Variants in THOC2 observed in about 807,000 individuals in gnomAD.
THOC2 encodes the protein THO complex subunit 2, also known as THO complex 2.
Under a neutral mutation model 128.4 loss-of-function variants are expected in THOC2, and 10 were observed. The observed-to-expected ratio is 0.08, with a 90% CI of 0.05 to 0.13. The LOEUF (loss-of-function observed/expected upper bound fraction) is 0.13. Ranked by LOEUF, THOC2 falls within the 10% of genes least tolerant of loss-of-function variation. The probability of loss-of-function intolerance (pLI) is 1.00; values close to 1 mark genes in which losing one functional copy is unlikely to be tolerated. For missense variants in THOC2, 535 were observed against 1,155.7 expected (o/e 0.46, Z 7.79); for synonymous variants, 393 against 396.9 (o/e 0.99, Z 0.12).
At chrX:123,684,201 T>C (rs2049912201) in intron 8 of THOC2, among the ~76,000 whole-genome samples, 1 of 111,979 alleles carries the variant, frequency 8.9e-6, no homozygotes, top group Non-Finnish European at 1.9e-5. Context: ...GTCATCATTA[T>C]TCACTGTCAT....
intron 12 of THOC2, among the ~76,000 whole-genome samples, chrX:123,657,708 G>T (rs965414422): frequency 3.6e-5 from 4 of 110,194 alleles, no homozygotes; most frequent in African/African-American, 1.3e-4. Flanking sequence ...GAGAAATAAA[G>T]ACTTTCTCAG....
chrX:123,674,645 G>C (rs1270740862), intron 8 of THOC2, among the ~76,000 whole-genome samples: 1 of 110,872 alleles, frequency 9.0e-6, no homozygotes, highest in African/African-American at 3.3e-5. Flanking sequence ...CTCTATCACT[G>C]CCTTTTTTGT....
chrX:123,634,994 T>A lies in THOC2; in HGVS notation c.2019-924A>T, dbSNP rs2047619681. On this transcript the variant is annotated intron_variant, in intron 19 of 38. Transcript: ENST00000245838. ...AAACATACAGATGTTTTTCCAAACATAAAGTCAGACATACCCAAGACACAA... is the reference window on the plus strand; with the variant it reads ...AAACATACAGATGTTTTTCCAAACAAAAAGTCAGACATACCCAAGACACAA... 2.7e-5 allele frequency among the ~76,000 whole-genome samples: 3 copies of A among 111,917 alleles called. No individual in the cohort carries two copies. In the Admixed American group the frequency reaches 2.8e-4, roughly 11 times the overall value.
intron 9 of THOC2, among the ~76,000 whole-genome samples, chrX:123,669,160 CAA>C (rs150691806): frequency 1.0e-4 from 9 of 89,680 alleles, no homozygotes; most frequent in Admixed American, 2.5e-4. Flanking sequence ...TTCCATTTAT[CAA>C]AAAAAAAAAA....
At chrX:123,696,471 T>C (rs2050452327) in intron 6 of THOC2, among the ~76,000 whole-genome samples, 1 of 111,614 alleles carries the variant, frequency 9.0e-6, no homozygotes, top group Non-Finnish European at 1.9e-5. Flanking sequence ...AATTATTTTA[T>C]TGCTAATGAT....
At chrX:123,615,682 A>C (rs1292147441) in intron 33 of THOC2, among the ~76,000 whole-genome samples, 1 of 106,557 alleles carries the variant, frequency 9.4e-6, no homozygotes, top group South Asian at 4.0e-4. Flanking sequence ...CACACACACA[A>C]CCCTTATTAA....
intron 8 of THOC2, among the ~76,000 whole-genome samples, chrX:123,677,616 C>T (rs1321363559): frequency 9.0e-6 from 1 of 111,305 alleles, no homozygotes; most frequent in Non-Finnish European, 1.9e-5. Context: ...CGCCTGTAAT[C>T]CCAGCACTTT....
intron 32 of THOC2, chrX:123,620,560 A>T (rs748491957): frequency 5.9e-6 from 1 of 169,377 alleles, no homozygotes; most frequent in Non-Finnish European, 1.1e-5. Context: ...AATATGCTGA[A>T]AAATAGGCTT....
chrX:123,706,745 C>G (rs1001346083), intron 3 of THOC2, 113 bp downstream of exon 3: 2 of 335,043 alleles, frequency 6.0e-6, no homozygotes, highest in East Asian at 5.0e-5. Flanking sequence ...TTTAAAAATC[C>G]ATCCACTTCT....
chrX:123,696,967 T>C (rs2050470451), intron 5 of THOC2, 125 bp from the exon 6 acceptor site: 1 of 480,848 alleles, frequency 2.1e-6, no homozygotes, highest in Non-Finnish European at 3.1e-6. Flanking sequence ...CAACCTACAA[T>C]TTATAAAAAG....
At chrX:123,725,616 CAAAAAAAAAAA>C (rs56708326) in intron 1 of THOC2, among the ~76,000 whole-genome samples, 1 of 32,765 alleles carries the variant, frequency 3.1e-5, no homozygotes, top group Non-Finnish European at 5.2e-5. Flanking sequence ...GACCCTATCT[CAAAAAAAAAAA>C]AAAAAAAAAA....
At chrX:123,624,875 C>A (rs1363953326) in intron 25 of THOC2, among the ~76,000 whole-genome samples, 4 of 108,697 alleles carry the variant, frequency 3.7e-5, no homozygotes, top group African/African-American at 1.3e-4. Flanking sequence ...CCACCCAAAA[C>A]AAGAACTTTT....
chrX:123,616,973 T>C (rs907694433), intron 33 of THOC2, among the ~76,000 whole-genome samples: 1 of 110,927 alleles, frequency 9.0e-6, no homozygotes, highest in Admixed American at 9.6e-5. Flanking sequence ...GAGAATTTTA[T>C]AGGTACAAGT....
Position 123,626,535 on chromosome X carries a change from T to C in THOC2, c.2885A>G (p.Asn962Ser), listed in dbSNP as rs746552036. The C allele has an allele frequency of 1.7e-6, 2 of 1,179,957 alleles. No homozygotes were observed. The highest frequency in any genetic ancestry group is 5.7e-5 in the Admixed American group (2 of 35,217). ...CAACAACTTACTTGCTAAAAGCCAGTTGTCCTTTTCCAGTTTCAATCTCTG... is the reference window on the plus strand; with the variant it reads ...CAACAACTTACTTGCTAAAAGCCAGCTGTCCTTTTCCAGTTTCAATCTCTG... ...VLQRLKLEKDNWLLAKSTKNE... is the reference protein window; with the variant it reads ...VLQRLKLEKDSWLLAKSTKNE... The change falls in exon 24 of 39, where the codon AAC (asparagine) becomes AGC (serine). Residue 962 changes from asparagine (N) to serine (S), a missense_variant. This residue lies in a region of THOC2 where 90 missense variants were observed against 298.6 expected (regional missense o/e 0.30). Transcript: ENST00000245838.
chrX:123,669,422 C>G (rs2049175121), intron 9 of THOC2, among the ~76,000 whole-genome samples: 1 of 109,866 alleles, frequency 9.1e-6, no homozygotes, highest in Non-Finnish European at 1.9e-5. Context: ...CGGCTTCAAG[C>G]AATTCTGCCT....
At chrX:123,709,650 T>A (rs1374901308) in intron 2 of THOC2, among the ~76,000 whole-genome samples, 1 of 111,726 alleles carries the variant, frequency 9.0e-6, no homozygotes, top group Admixed American at 9.5e-5. Flanking sequence ...GGGGTTTGAA[T>A]GTTGAAGACA....
intron 31 of THOC2, 49 bp downstream of exon 31, chrX:123,621,108 T>C: frequency 8.5e-7 from 1 of 1,176,005 alleles, no homozygotes; most frequent in Non-Finnish European, 1.1e-6. Flanking sequence ...TAACCAACTA[T>C]ACATTAAAAT....
Position 123,613,551 on chromosome X carries a change from C to G in THOC2, c.4525G>C (p.Val1509Leu). The G allele has an allele frequency of 2.5e-6, 3 of 1,207,833 alleles. No homozygotes were observed. The highest frequency in any genetic ancestry group is 2.2e-6 in the Non-Finnish European group (2 of 893,759). Residue 1509 changes from valine (V) to leucine (L), a missense_variant, in exon 36 of 39, where the codon GTT becomes CTT. Transcript: ENST00000245838. The part of the protein sequence containing the change: ...RRKEENGTMG[V>L]SKHKSESPCE... The stretch of plus-strand genomic sequence containing the variant: ...GGACTTTCACTTTTATGTTTTGAAA[C>G]CCCCACTAAAATTACAAAAGAAAAT...
chrX:123,654,623 T>G (rs2048493203), intron 12 of THOC2, among the ~76,000 whole-genome samples: 1 of 105,691 alleles, frequency 9.5e-6, no homozygotes, highest in Non-Finnish European at 1.9e-5. Context: ...CTGGGCATGG[T>G]GGGCGCGCAC....
Sources: gnomAD v4.1 joint callset for allele counts (sites outside exome capture counted in the v4.1 genomes callset) on GRCh38, gnomAD v4.1.1 for gene constraint, gnomAD v4.1.1 regional missense constraint, MANE v1.5 for transcripts, NCBI Gene and HGNC (gene_info 2026-07-23, HGNC 2026-07-21) for gene names.